The following SRRM3 variants were observed in gnomAD, a reference collection of about 807,000 sequenced individuals.
SRRM3 encodes the protein serine/arginine repetitive matrix protein 3.
In SRRM3, 27 loss-of-function variants were observed where a neutral mutation model predicts 66.2. The observed-to-expected ratio is 0.41, with a 90% CI of 0.30 to 0.56. The LOEUF (loss-of-function observed/expected upper bound fraction) is 0.56, where lower values mean the gene tolerates loss of function less well. SRRM3 is among the 20% of genes least tolerant of loss of function. The pLI, the probability that SRRM3 is intolerant of heterozygous loss-of-function variation, is 0.32. For synonymous variants in SRRM3, 391 were observed against 414.9 expected (o/e 0.94, Z 0.70); for missense variants, 918 against 991.9 (o/e 0.93, Z 1.00).
At chr7:76,208,367 TG>T (rs1193585341) in intron 1 of SRRM3, among the ~76,000 whole-genome samples, 2 of 151,962 alleles carry the variant, frequency 1.3e-5, no homozygotes, top group East Asian at 3.9e-4. Context: ...ACTCAGGTCC[TG>T]GGTTGGAAAG....
intron 1 of SRRM3, among the ~76,000 whole-genome samples, chr7:76,224,264 G>A (rs1232132413): frequency 1.3e-5 from 2 of 148,958 alleles, no homozygotes; most frequent in Non-Finnish European, 3.0e-5. Flanking sequence ...TATTTTAGTA[G>A]AGACCGGGTT....
intron 8 of SRRM3, among the ~76,000 whole-genome samples, chr7:76,262,374 C>T (rs1363718319): frequency 6.6e-6 from 1 of 151,874 alleles, no homozygotes; most frequent in Non-Finnish European, 1.5e-5. Context: ...GGTGTGGTGG[C>T]AAGCGCCTGT....
intron 10 of SRRM3, among the ~76,000 whole-genome samples, chr7:76,265,760 A>ATATATATTTAATATTTATATATATT (rs1410274757): frequency 1.5e-5 from 2 of 135,052 alleles, no homozygotes; most frequent in African/African-American, 5.5e-5. Context: ...ATATATAATT[A>ATATATATTTAATATTTATATATATT]TATATATTTA....
chr7:76,253,753 C>T (rs1280412842), intron 3 of SRRM3, among the ~76,000 whole-genome samples: 5 of 149,904 alleles, frequency 3.3e-5, no homozygotes, highest in East Asian at 1.9e-4. Context: ...GCCGAGATCC[C>T]GCCAGCCTGG....
chr7:76,253,834 T>C (rs988666232), intron 3 of SRRM3, among the ~76,000 whole-genome samples: 5 of 147,738 alleles, frequency 3.4e-5, no homozygotes, highest in Non-Finnish European at 5.9e-5. Flanking sequence ...AGTGACAGTG[T>C]CATCTAGGAG....
rs562709458 is a variant in SRRM3, at chr7:76,280,802, C to T, written c.1009-639C>T. Reference sequence around the variant, plus strand: ...CGCTCTCTCACCCCAACTTCTCGCTCCTCTTGCTCTGTCCTCTCTCTGCCC... The same window carrying T: ...CGCTCTCTCACCCCAACTTCTCGCTTCTCTTGCTCTGTCCTCTCTCTGCCC... On this transcript the variant is annotated intron_variant, in intron 11 of 14. Transcript: ENST00000611745. 2.1e-5 allele frequency among the ~76,000 whole-genome samples: 3 copies of T among 146,028 alleles called. No homozygotes were observed. The Admixed American group carries it at 2.1e-4, about 10-fold the overall frequency.
chr7:76,234,711 C>A (rs1357753619), intron 1 of SRRM3, among the ~76,000 whole-genome samples: 4 of 152,248 alleles, frequency 2.6e-5, no homozygotes, highest in Admixed American at 2.6e-4. Flanking sequence ...CCCAAGCATT[C>A]GTGCAAGCCA....
chr7:76,204,018 G>T (rs1426385375), intron 1 of SRRM3, among the ~76,000 whole-genome samples: 1 of 152,088 alleles, frequency 6.6e-6, no homozygotes, highest in Non-Finnish European at 1.5e-5. Context: ...CAAAGGGGGG[G>T]TCTGGGTCTG....
chr7:76,202,278 A>AT (rs1554600692), intron 1 of SRRM3, among the ~76,000 whole-genome samples: 7 of 151,996 alleles, frequency 4.6e-5, no homozygotes, highest in Admixed American at 2.0e-4. Flanking sequence ...GACAGTGGAG[A>AT]CCTTTGGGGT....
At chr7:76,259,022 G>A (rs1554608162) in intron 3 of SRRM3, among the ~76,000 whole-genome samples, 1 of 151,898 alleles carries the variant, frequency 6.6e-6, no homozygotes, top group Admixed American at 6.6e-5. Flanking sequence ...GCAGGCAGAG[G>A]TTGCAGTGAG....
At chr7:76,207,408 G>C (rs1385175518) in intron 1 of SRRM3, among the ~76,000 whole-genome samples, 3 of 152,174 alleles carry the variant, frequency 2.0e-5, no homozygotes, top group Non-Finnish European at 4.4e-5. Flanking sequence ...ACTATCAGTA[G>C]TTCCACCACC....
intron 2 of SRRM3, among the ~76,000 whole-genome samples, chr7:76,241,531 T>A (rs1487159171): frequency 6.6e-6 from 1 of 152,030 alleles, no homozygotes; most frequent in Non-Finnish European, 1.5e-5. Context: ...TGAGACAGAG[T>A]CTCACTCCAT....
At chr7:76,258,011 G>A (rs1450976275) in intron 3 of SRRM3, among the ~76,000 whole-genome samples, 1 of 152,140 alleles carries the variant, frequency 6.6e-6, no homozygotes, top group Non-Finnish European at 1.5e-5. Flanking sequence ...GAAGCGCTCT[G>A]AGAAGAGCCT....
chr7:76,282,026 C>T lies in SRRM3; in HGVS notation c.1370+224C>T, dbSNP rs533292481. On this transcript the variant is annotated intron_variant, in intron 12 of 14. Transcript: ENST00000611745. ...AACTACCCCCCACGGATCTCAACCC[C>T]CCACGGAGCTCTCCTCCCTCTCCAC... Among the ~76,000 whole-genome samples, 114 of 136,532 alleles carry T rather than the reference C, an allele frequency of 8.3e-4. 1 individual carries two copies. The South Asian group carries it at 8.5e-3, about 10-fold the overall frequency. The allele number at this position is 136,532 out of a possible 152,430, so 89.6% of individuals were successfully genotyped here.
intron 1 of SRRM3, among the ~76,000 whole-genome samples, chr7:76,233,052 C>T (rs1228204620): frequency 6.6e-6 from 1 of 152,064 alleles, no homozygotes; most frequent in Non-Finnish European, 1.5e-5. Flanking sequence ...CCTGTAATCT[C>T]AGTACTTTGG....
intron 14 of SRRM3, chr7:76,283,826 G>C: frequency 1.0e-6 from 1 of 985,414 alleles, no homozygotes; most frequent in Non-Finnish European, 1.2e-6. Context: ...CTGGGCCTGG[G>C]TCTCCGGGTG....
chr7:76,277,689 C>T (rs1802382308), intron 11 of SRRM3, among the ~76,000 whole-genome samples: 1 of 134,894 alleles, frequency 7.4e-6, no homozygotes, highest in Admixed American at 8.0e-5. Flanking sequence ...TAGAGTGAGA[C>T]TCTGTCTCAA....
chr7:76,271,483 A>C (rs7777511), intron 11 of SRRM3, among the ~76,000 whole-genome samples: 8,483 of 151,840 alleles, frequency 0.056, 725 homozygotes, highest in African/African-American at 0.18. Context: ...TCACTACAAA[A>C]ATTTAAAAGA....
At position 76,250,687 on chromosome 7, in the gene SRRM3, T is replaced by A. The variant is rs550965066; in HGVS notation, c.335+2398T>A. Among the ~76,000 whole-genome samples, 193 of 152,024 alleles carry A rather than the reference T, an allele frequency of 1.3e-3. 1 individual carries two copies. Among genetic ancestry groups the A allele is most frequent in the African/African-American group, 4.6e-3 (191 of 41,474 alleles). ...TTAATCCTCATCTCTCTGGCCAGAG[T>A]AGGAGCAAAACAGGAACAGAGACAG... is the stretch of plus-strand genomic sequence containing the variant. On this transcript the variant is annotated intron_variant, in intron 3 of 14. Transcript: ENST00000611745.
Sources: allele counts gnomAD v4.1 joint callset (sites outside exome capture counted in the v4.1 genomes callset), GRCh38; gene constraint gnomAD v4.1.1; transcripts MANE v1.5; gene names NCBI Gene and HGNC (gene_info 2026-07-23, HGNC 2026-07-21).